ST6GALNAC3: variants seen among roughly 807,000 people sequenced by gnomAD.
The protein encoded by ST6GALNAC3 is alpha-N-acetylgalactosaminide alpha-2,6-sialyltransferase 3.
A neutral mutation model predicts 32.7 loss-of-function variants in ST6GALNAC3; 25 were observed. The observed-to-expected ratio is 0.76, with a 90% CI of 0.56 to 1.07. The LOEUF (loss-of-function observed/expected upper bound fraction) is 1.07. Among genes scored for constraint, ST6GALNAC3 ranks in the 50% least tolerant of loss-of-function variants. The probability of loss-of-function intolerance (pLI) is 0.00; values close to 1 mark genes in which losing one functional copy is unlikely to be tolerated. For synonymous variants in ST6GALNAC3, 129 were observed against 133.1 expected (o/e 0.97, Z 0.21); for missense variants, 355 against 382.4 (o/e 0.93, Z 0.60).
chr1:76,357,836 G>A (rs943131887), intron 2 of ST6GALNAC3, among the ~76,000 whole-genome samples: 6 of 152,104 alleles, frequency 3.9e-5, no homozygotes, highest in Non-Finnish European at 8.8e-5. Flanking sequence ...AAATATTGTT[G>A]CACTGGAGTG....
At chr1:76,537,939 T>C (rs1471129400) in intron 3 of ST6GALNAC3, among the ~76,000 whole-genome samples, 2 of 152,040 alleles carry the variant, frequency 1.3e-5, no homozygotes, top group Non-Finnish European at 2.9e-5. Context: ...CTACCAGAAG[T>C]ACAAAGAGGA....
intron 1 of ST6GALNAC3, among the ~76,000 whole-genome samples, chr1:76,138,565 C>T (rs760270626): frequency 2.0e-5 from 3 of 152,204 alleles, no homozygotes; most frequent in African/African-American, 7.2e-5. Context: ...CCCAGCACCT[C>T]CCTAAAATGG....
At chr1:76,576,910 C>T in intron 3 of ST6GALNAC3, 1 of 1,299,918 alleles carries the variant, frequency 7.7e-7, no homozygotes, top group Non-Finnish European at 1.0e-6. Flanking sequence ...CCTGCCCCAC[C>T]ACAAAAGGAA....
intron 3 of ST6GALNAC3, among the ~76,000 whole-genome samples, chr1:76,432,134 T>C (rs1655799952): frequency 6.6e-6 from 1 of 152,212 alleles, no homozygotes; most frequent in Non-Finnish European, 1.5e-5. Flanking sequence ...TACACTCCTT[T>C]AAATTTCTTA....
chr1:76,598,468 A>G (rs1647172829), intron 3 of ST6GALNAC3, among the ~76,000 whole-genome samples: 1 of 152,218 alleles, frequency 6.6e-6, no homozygotes, highest in African/African-American at 2.4e-5. Context: ...GCTGAGAGAT[A>G]GAAATGTTTT....
intron 3 of ST6GALNAC3, among the ~76,000 whole-genome samples, chr1:76,569,302 A>G (rs1426567235): frequency 3.3e-5 from 5 of 152,042 alleles, no homozygotes; most frequent in Non-Finnish European, 7.4e-5. Flanking sequence ...TTCAAGGAGG[A>G]GAAAACATTC....
chr1:76,108,198 A>G (rs384639), intron 1 of ST6GALNAC3, among the ~76,000 whole-genome samples: 91,535 of 151,568 alleles, frequency 0.6, 28,081 homozygotes, highest in African/African-American at 0.66. Flanking sequence ...CTAGCAGTGA[A>G]CTGAAGCTGT....
chr1:76,173,197 C>A (rs755099186), intron 1 of ST6GALNAC3, among the ~76,000 whole-genome samples: 2 of 152,202 alleles, frequency 1.3e-5, no homozygotes, highest in Non-Finnish European at 2.9e-5. Context: ...CTACAACCAT[C>A]TGATCTTTGA....
At chr1:76,636,640 C>A (rs879140359), downstream of ST6GALNAC3, among the ~76,000 whole-genome samples, 2 of 152,054 alleles carry the variant, frequency 1.3e-5, no homozygotes, top group Non-Finnish European at 2.9e-5. Context: ...CTTTACTTCC[C>A]GAGACTTTCT....
chr1:76,361,298 A>C (rs1649913182), intron 2 of ST6GALNAC3, among the ~76,000 whole-genome samples: 1 of 152,020 alleles, frequency 6.6e-6, no homozygotes, highest in Non-Finnish European at 1.5e-5. Context: ...ACTACTTTAG[A>C]TGCTGCACTA....
intron 1 of ST6GALNAC3, among the ~76,000 whole-genome samples, chr1:76,157,889 G>T (rs546005354): frequency 6.6e-6 from 1 of 152,078 alleles, no homozygotes; most frequent in African/African-American, 2.4e-5. Flanking sequence ...AATAATATAG[G>T]ATATGCTATT....
At chr1:76,280,494 A>G (rs914323830) in intron 1 of ST6GALNAC3, among the ~76,000 whole-genome samples, 4 of 152,176 alleles carry the variant, frequency 2.6e-5, no homozygotes, top group Admixed American at 1.3e-4. Flanking sequence ...AGCTAAATTC[A>G]TACCTATTTC....
intron 3 of ST6GALNAC3, among the ~76,000 whole-genome samples, chr1:76,417,821 C>T (rs978238819): frequency 2.0e-5 from 3 of 152,060 alleles, no homozygotes; most frequent in East Asian, 1.9e-4. Context: ...CAATGTGGCT[C>T]CACCTTCAGG....
At chr1:76,237,544 A>G (rs1320639952) in intron 1 of ST6GALNAC3, among the ~76,000 whole-genome samples, 9 of 152,154 alleles carry the variant, frequency 5.9e-5, no homozygotes. Context: ...GCCATGCCTG[A>G]TTTTTCAGAA....
downstream of ST6GALNAC3, among the ~76,000 whole-genome samples, chr1:76,635,303 A>C (rs1030795153): frequency 6.6e-6 from 1 of 152,178 alleles, no homozygotes; most frequent in Non-Finnish European, 1.5e-5. Flanking sequence ...GCTTATAGTT[A>C]TCTATCCAAC....
At chr1:76,160,177 T>C (rs540816174) in intron 1 of ST6GALNAC3, among the ~76,000 whole-genome samples, 5 of 152,264 alleles carry the variant, frequency 3.3e-5, no homozygotes, top group Non-Finnish European at 7.4e-5. Flanking sequence ...GATGAAAATA[T>C]ATAATGTGTT....
At chr1:76,336,953 T>C (rs1647529296) in intron 2 of ST6GALNAC3, among the ~76,000 whole-genome samples, 1 of 152,212 alleles carries the variant, frequency 6.6e-6, no homozygotes. Context: ...CATTTGCAAG[T>C]AGCCAGGACT....
chr1:76,148,225 A>G (rs1232921526), intron 1 of ST6GALNAC3, among the ~76,000 whole-genome samples: 1 of 152,222 alleles, frequency 6.6e-6, no homozygotes, highest in Non-Finnish European at 1.5e-5. Flanking sequence ...GATATCCTCA[A>G]GAGGCTATTA....
intron 3 of ST6GALNAC3, among the ~76,000 whole-genome samples, chr1:76,442,873 C>T (rs1409965454): frequency 6.6e-6 from 1 of 152,220 alleles, no homozygotes; most frequent in Admixed American, 6.5e-5. Flanking sequence ...CTCCATCAGA[C>T]TCCTGCTGGA....
Sources: allele counts gnomAD v4.1 joint callset (sites outside exome capture counted in the v4.1 genomes callset), GRCh38; gene constraint gnomAD v4.1.1; transcripts MANE v1.5; gene names NCBI Gene and HGNC (gene_info 2026-07-23, HGNC 2026-07-21).